RNF175: variants seen among roughly 807,000 people sequenced by gnomAD.
The protein encoded by RNF175 is ring finger protein 175.
RNF175 carries 38 observed loss-of-function variants against 50.0 expected under a neutral mutation model. The observed-to-expected ratio is 0.76, with a 90% CI of 0.59 to 1.00. The LOEUF is 1.00. RNF175 is among the 50% of genes least tolerant of loss of function. The probability of loss-of-function intolerance (pLI) is 0.00; values close to 1 mark genes in which losing one functional copy is unlikely to be tolerated. For synonymous variants in RNF175, 155 were observed against 146.1 expected, an observed-to-expected ratio of 1.06 and a Z score of -0.44; for missense variants, 388 against 409.6, an observed-to-expected ratio of 0.95 and a Z score of 0.46.
chr4:153,741,678 A>G (rs1160135587), intron 3 of RNF175, among the ~76,000 whole-genome samples: 1 of 152,184 alleles, frequency 6.6e-6, no homozygotes, highest in Non-Finnish European at 1.5e-5. Context: ...GTTGTAAGAT[A>G]AAAGTGCTGA....
chr4:153,759,839 C>T lies in RNF175; in HGVS notation c.24G>A (p.Arg8=), dbSNP rs1464537442. The change falls in exon 1 of 9, where the codon CGG becomes CGA. Residue 8 remains arginine, a synonymous_variant. Coordinates refer to ENST00000347063, the MANE Select transcript of RNF175 (RefSeq NM_173662.4). MAAGTAA[R]KAAPVLEAPP... is the part of the protein sequence containing the mutation. ...GGGCCTCCAGCACCGGCGCTGCCTT[C>T]CGCGCCGCCGTCCCCGCGGCCATGC... 6.8e-7 allele frequency: 1 copy of T among 1,463,048 alleles called. No individual in the cohort carries two copies. The highest frequency in any genetic ancestry group is 1.3e-5 in the South Asian group (1 of 75,032). The allele number at this position is 1,463,048 out of a possible 1,614,324, so 90.6% of individuals were successfully genotyped here. A position where few individuals can be genotyped will look rare whatever the true frequency, so the allele number is the denominator to read the frequency against.
At chr4:153,712,377 G>T in intron 8 of RNF175, 98 bp downstream of exon 8, 1 of 804,508 alleles carries the variant, frequency 1.2e-6, no homozygotes. Flanking sequence ...AAAATTTTCT[G>T]CTGGAACTAT....
At chr4:153,712,634 T>G (rs1212981189) in intron 7 of RNF175, 58 bp from the exon 8 acceptor site, 3 of 1,082,952 alleles carry the variant, frequency 2.8e-6, no homozygotes, top group Non-Finnish European at 4.2e-6. Flanking sequence ...TGGTTCATGA[T>G]GGCATGGAAT....
At chr4:153,727,721 A>T (rs574277693) in intron 4 of RNF175, 2 of 152,266 alleles carry the variant, frequency 1.3e-5, no homozygotes, top group South Asian at 4.1e-4. Context: ...AAATCTTTGG[A>T]AGCTGACAAT....
At chr4:153,720,802 C>G (rs1002668265) in intron 5 of RNF175, among the ~76,000 whole-genome samples, 6 of 152,174 alleles carry the variant, frequency 3.9e-5, no homozygotes, top group South Asian at 2.1e-4. Flanking sequence ...GGGTTGGGGT[C>G]TGGACAGCAG....
At chr4:153,729,804 G>A (rs1738928149) in intron 3 of RNF175, 1 of 985,208 alleles carries the variant, frequency 1.0e-6, no homozygotes, top group Non-Finnish European at 1.2e-6. Context: ...CACGGAGCAA[G>A]TCTGAGGTGA....
At chr4:153,715,183 C>T (rs1477256304) in intron 7 of RNF175, 2 of 362,116 alleles carry the variant, frequency 5.5e-6, no homozygotes, top group Non-Finnish European at 1.1e-5. Context: ...CTCTTTTTCT[C>T]ACCTCCAAAC....
At chr4:153,753,335 G>A (rs1326742613) in intron 1 of RNF175, among the ~76,000 whole-genome samples, 7 of 152,086 alleles carry the variant, frequency 4.6e-5, no homozygotes, top group Non-Finnish European at 1.0e-4. Flanking sequence ...GAATACTAGT[G>A]GCTAAACCGG....
rs1021563799 is a variant in RNF175 at position 153,710,371 on chromosome 4, A to G, written c.985T>C (p.Ter329GlnextTer33). The G allele has an allele frequency of 2.1e-5, 33 of 1,553,214 alleles. No individual in the cohort carries two copies. The Admixed American group carries it at 4.5e-4, about 21-fold the overall frequency. Reference protein sequence around the residue: ...QGIIYSLGLE* With the variant: ...QGIIYSLGLEQ Reference sequence around the variant, plus strand: ...TGTTGCTTCTGGGGTCTGCTGTCCTATTCCAGCCCTAGTGAATAGATAATG... The same window carrying G: ...TGTTGCTTCTGGGGTCTGCTGTCCTGTTCCAGCCCTAGTGAATAGATAATG... Residue 329 changes from the stop codon to glutamine (Q), a stop_lost, in exon 9 of 9, where the codon TAG (stop) becomes CAG (glutamine). Transcript: ENST00000347063.
chr4:153,753,585 C>T lies in RNF175; in HGVS notation c.67-2110G>A, dbSNP rs544092360. Among the ~76,000 whole-genome samples the T allele has an allele frequency of 3.0e-3, 447 of 149,414 alleles. 2 individuals carry two copies. Among genetic ancestry groups the T allele is most frequent in the African/African-American group, 0.01 (423 of 40,630 alleles). On this transcript the variant is annotated intron_variant, in intron 1 of 8. Transcript: ENST00000347063. ...CTTTTTTTTTTTCCCGAGGTGGAGT[C>T]TTGCTTTTGTCGCCCAGGCTAGAGT...
At chr4:153,751,174 A>G (rs1740273216) in intron 2 of RNF175, among the ~76,000 whole-genome samples, 1 of 152,244 alleles carries the variant, frequency 6.6e-6, no homozygotes, top group African/African-American at 2.4e-5. Flanking sequence ...CTTGTGCCTA[A>G]AATAAATAGT....
chr4:153,730,686 G>GT (rs1738988584), intron 3 of RNF175, among the ~76,000 whole-genome samples: 1 of 152,042 alleles, frequency 6.6e-6, no homozygotes, highest in Non-Finnish European at 1.5e-5. Flanking sequence ...AAATACTGGA[G>GT]TTTTTTAAAA....
chr4:153,742,112 T>C (rs1739693817), intron 3 of RNF175, among the ~76,000 whole-genome samples: 2 of 151,720 alleles, frequency 1.3e-5, no homozygotes, highest in Admixed American at 6.6e-5. Flanking sequence ...CCGTCTCTAC[T>C]AAAATAAAAA....
intron 3 of RNF175, among the ~76,000 whole-genome samples, chr4:153,739,556 A>T (rs2127143233): frequency 6.6e-6 from 1 of 152,328 alleles, no homozygotes; most frequent in East Asian, 1.9e-4. Context: ...AGAACTTTTA[A>T]AAAACACTTC....
At chr4:153,757,801 GTTGCAGGC>G (rs999542297) in intron 1 of RNF175, among the ~76,000 whole-genome samples, 2 of 152,060 alleles carry the variant, frequency 1.3e-5, no homozygotes, top group Non-Finnish European at 2.9e-5. Context: ...TACCTAACCA[GTTGCAGGC>G]TCAAAAGACC....
chr4:153,722,530 C>T lies in RNF175; in HGVS notation c.509+821G>A, dbSNP rs569180499. Among the ~76,000 whole-genome samples the T allele has an allele frequency of 2.0e-5, 3 of 151,924 alleles. No individual in the cohort carries two copies. In the South Asian group the frequency reaches 6.2e-4, roughly 32 times the overall value. On this transcript the variant is annotated intron_variant, in intron 5 of 8. Coordinates refer to ENST00000347063, the MANE Select transcript of RNF175 (RefSeq NM_173662.4). Reference sequence around the variant, plus strand: ...ATGTTGACCAGGCTGGTCTTGAACTCCTGGCCTCAAGCAATCCTCCCACCT... The same window carrying T: ...ATGTTGACCAGGCTGGTCTTGAACTTCTGGCCTCAAGCAATCCTCCCACCT...
At chr4:153,731,036 T>C in intron 3 of RNF175, among the ~76,000 whole-genome samples, 1 of 152,342 alleles carries the variant, frequency 6.6e-6, no homozygotes, top group South Asian at 2.1e-4. Flanking sequence ...TTAGAATGTA[T>C]TATGTGTGCA....
intron 1 of RNF175, among the ~76,000 whole-genome samples, chr4:153,756,183 C>T (rs1440206021): frequency 6.6e-6 from 1 of 152,076 alleles, no homozygotes; most frequent in Non-Finnish European, 1.5e-5. Flanking sequence ...CTTTTTTATC[C>T]CTTTCCTTGT....
chr4:153,741,922 C>T (rs900193415), intron 3 of RNF175, among the ~76,000 whole-genome samples: 2 of 152,066 alleles, frequency 1.3e-5, no homozygotes, highest in Non-Finnish European at 2.9e-5. Flanking sequence ...ATCACTTTTG[C>T]ACCAACCTAC....
Sources: gnomAD v4.1 joint callset for allele counts (sites outside exome capture counted in the v4.1 genomes callset) on GRCh38, gnomAD v4.1.1 for gene constraint, MANE v1.5 for transcripts, NCBI Gene and HGNC (gene_info 2026-07-23, HGNC 2026-07-21) for gene names.